TSHZ2: variants seen among roughly 807,000 people sequenced by gnomAD.
TSHZ2 encodes teashirt homolog 2.
TSHZ2 carries 21 observed loss-of-function variants against 74.4 expected under a neutral mutation model. The observed-to-expected ratio is 0.28, with a 90% CI of 0.20 to 0.41. The LOEUF is 0.41. Among genes scored for constraint, TSHZ2 ranks in the 10% least tolerant of loss-of-function variants. The pLI, the probability that TSHZ2 is intolerant of heterozygous loss-of-function variation, is 1.00. For missense variants in TSHZ2, 1,244 were observed against 1,293.5 expected, an observed-to-expected ratio of 0.96 and a Z score of 0.59; for synonymous variants, 540 against 515.3, an observed-to-expected ratio of 1.05 and a Z score of -0.65.
chr20:53,467,540 C>A (rs989137114), intron 2 of TSHZ2, among the ~76,000 whole-genome samples: 2 of 152,236 alleles, frequency 1.3e-5, no homozygotes, highest in East Asian at 3.9e-4. Context: ...GAACGCCAGG[C>A]AACATTTGTG....
At chr20:53,087,410 G>A (rs538591919) in intron 1 of TSHZ2, among the ~76,000 whole-genome samples, 79 of 152,134 alleles carry the variant, frequency 5.2e-4, no homozygotes, top group African/African-American at 8.0e-4. Flanking sequence ...ACACATTTTC[G>A]ATCCTTGGCC....
intron 1 of TSHZ2, among the ~76,000 whole-genome samples, chr20:53,039,909 C>G (rs1364022017): frequency 1.3e-5 from 2 of 152,124 alleles, no homozygotes; most frequent in African/African-American, 4.8e-5. Flanking sequence ...AGATTGAGAT[C>G]ATCCTGGCTA....
At position 53,177,484 on chromosome 20, in the gene TSHZ2, C is replaced by T. The variant is rs117529662; in HGVS notation, c.41-76015C>T. Among the ~76,000 whole-genome samples, 315 of 152,288 alleles carry T rather than the reference C, an allele frequency of 2.1e-3. 3 individuals carry two copies. Among genetic ancestry groups the T allele is most frequent in the Middle Eastern group, 6.8e-3 (2 of 294 alleles). On this transcript the variant is annotated intron_variant, in intron 1 of 2. Transcript: ENST00000371497. ...CAAGGAGCCTTCACTGGTGCACATA[C>T]GGCTGGTCCTCAAACCACACTTGAA...
intron 1 of TSHZ2, among the ~76,000 whole-genome samples, chr20:53,023,078 G>A (rs1321145294): frequency 6.6e-6 from 1 of 152,178 alleles, no homozygotes; most frequent in Non-Finnish European, 1.5e-5. Context: ...ACCTGGGAAT[G>A]TTTTTCCTTC....
intron 2 of TSHZ2, among the ~76,000 whole-genome samples, chr20:53,292,546 C>G (rs1004353571): frequency 6.6e-6 from 1 of 151,170 alleles, no homozygotes; most frequent in Non-Finnish European, 1.5e-5. Context: ...CTCCCAGGTT[C>G]AAACCATCCT....
At chr20:53,141,489 C>G (rs1040645746) in intron 1 of TSHZ2, among the ~76,000 whole-genome samples, 4 of 152,218 alleles carry the variant, frequency 2.6e-5, no homozygotes, top group African/African-American at 9.6e-5. Context: ...AATTTATTGA[C>G]AGATGTTTGC....
chr20:53,196,026 C>T (rs145889191), intron 1 of TSHZ2, among the ~76,000 whole-genome samples: 33 of 152,268 alleles, frequency 2.2e-4, no homozygotes, highest in African/African-American at 7.7e-4. Flanking sequence ...CCAGTCTCGG[C>T]TTCTGCGTCG....
At chr20:53,312,584 T>G (rs899842484) in intron 2 of TSHZ2, among the ~76,000 whole-genome samples, 2 of 152,188 alleles carry the variant, frequency 1.3e-5, no homozygotes, top group East Asian at 3.8e-4. Flanking sequence ...TCTATCTCTC[T>G]AAAAGAATTC....
At chr20:53,194,691 T>C (rs1033363143) in intron 1 of TSHZ2, among the ~76,000 whole-genome samples, 1 of 152,238 alleles carries the variant, frequency 6.6e-6, no homozygotes, top group Non-Finnish European at 1.5e-5. Context: ...ATTAATTACT[T>C]CACCTAATGT....
intron 1 of TSHZ2, among the ~76,000 whole-genome samples, chr20:53,114,798 T>C (rs1220088918): frequency 2.0e-5 from 3 of 152,084 alleles, no homozygotes; most frequent in African/African-American, 7.2e-5. Flanking sequence ...TTAAATTATT[T>C]TATGCCTGGG....
intron 2 of TSHZ2, among the ~76,000 whole-genome samples, chr20:53,442,918 C>A (rs2098189823): frequency 6.6e-6 from 1 of 152,122 alleles, no homozygotes; most frequent in African/African-American, 2.4e-5. Context: ...AAGTAAAAAC[C>A]AATTTGCAGT....
At chr20:53,159,778 T>A (rs2123459874) in intron 1 of TSHZ2, among the ~76,000 whole-genome samples, 1 of 152,340 alleles carries the variant, frequency 6.6e-6, no homozygotes, top group Non-Finnish European at 1.5e-5. Flanking sequence ...TTCATTCATT[T>A]TTTTCATTCA....
chr20:53,480,069 GTTTT>G (rs71194484), intron 2 of TSHZ2, among the ~76,000 whole-genome samples: 20 of 127,664 alleles, frequency 1.6e-4, no homozygotes, highest in South Asian at 1.2e-3. Context: ...CCAGGTTTTT[GTTTT>G]TTTTTTTTTT....
chr20:53,028,619 CCTTAAGAT>C (rs1191232376), intron 1 of TSHZ2, among the ~76,000 whole-genome samples: 1 of 152,176 alleles, frequency 6.6e-6, no homozygotes, highest in African/African-American at 2.4e-5. Flanking sequence ...GGAGGTGGTG[CCTTAAGAT>C]CTTGGACCTA....
At chr20:53,326,259 A>C (rs1156679587) in intron 2 of TSHZ2, among the ~76,000 whole-genome samples, 2 of 152,232 alleles carry the variant, frequency 1.3e-5, no homozygotes, top group African/African-American at 4.8e-5. Flanking sequence ...GTCCCCATCC[A>C]TTCACATCAG....
chr20:53,190,804 C>T (rs1249307272), intron 1 of TSHZ2, among the ~76,000 whole-genome samples: 1 of 152,164 alleles, frequency 6.6e-6, no homozygotes, highest in Non-Finnish European at 1.5e-5. Flanking sequence ...CCCCAAGTCT[C>T]CTGCATCTAT....
At chr20:53,038,870 G>A (rs1473023987) in intron 1 of TSHZ2, among the ~76,000 whole-genome samples, 1 of 117,510 alleles carries the variant, frequency 8.5e-6, no homozygotes, top group Non-Finnish European at 1.7e-5. Context: ...TTTTTTTTTT[G>A]TTTGTTTGTT....
At chr20:53,306,683 G>C (rs894142356) in intron 2 of TSHZ2, among the ~76,000 whole-genome samples, 1 of 152,200 alleles carries the variant, frequency 6.6e-6, no homozygotes, top group Non-Finnish European at 1.5e-5. Flanking sequence ...ACAAGATGTC[G>C]TTAAACAGTT....
intron 1 of TSHZ2, among the ~76,000 whole-genome samples, chr20:53,205,197 A>T (rs1411078911): frequency 6.6e-6 from 1 of 152,206 alleles, no homozygotes; most frequent in Non-Finnish European, 1.5e-5. Flanking sequence ...AAGCCCGAGC[A>T]ATTAACCACT....
Sources: allele counts gnomAD v4.1 joint callset (sites outside exome capture counted in the v4.1 genomes callset), GRCh38; gene constraint gnomAD v4.1.1; transcripts MANE v1.5; gene names NCBI Gene and HGNC (gene_info 2026-07-23, HGNC 2026-07-21).